KYAT3: variants seen among roughly 807,000 people sequenced by gnomAD.
KYAT3 encodes the protein kynurenine aminotransferase 3.
KYAT3 carries 50 observed loss-of-function variants against 59.0 expected under a neutral mutation model. The ratio of observed to expected loss-of-function variants is 0.85; its 90% CI spans 0.68 to 1.07. KYAT3 has a LOEUF of 1.07. Among genes scored for constraint, KYAT3 ranks in the 50% least tolerant of loss-of-function variants. The pLI is 0.00. For synonymous variants in KYAT3, 148 were observed against 177.0 expected (o/e 0.84, Z 1.30); for missense variants, 497 against 533.3 (o/e 0.93, Z 0.67).
At chr1:88,956,531 C>G (rs1043587132) in intron 8 of KYAT3, among the ~76,000 whole-genome samples, 46 of 152,242 alleles carry the variant, frequency 3.0e-4, no homozygotes, top group African/African-American at 1.1e-3. Context: ...AATTTAATGT[C>G]TAGTAGGGAC....
At chr1:88,943,211 G>T in intron 12 of KYAT3, 120 bp from the exon 13 acceptor site, 1 of 1,060,908 alleles carries the variant, frequency 9.4e-7, no homozygotes. Context: ...TTTCCAAAAA[G>T]AAAAATGCTT....
intron 8 of KYAT3, among the ~76,000 whole-genome samples, chr1:88,957,958 A>G (rs1675983364): frequency 6.6e-6 from 1 of 152,184 alleles, no homozygotes; most frequent in Non-Finnish European, 1.5e-5. Context: ...TTAAGGTGTC[A>G]CACCCTGCAA....
At chr1:88,944,403 G>A (rs948550042) in intron 11 of KYAT3, among the ~76,000 whole-genome samples, 1 of 152,086 alleles carries the variant, frequency 6.6e-6, no homozygotes, top group Non-Finnish European at 1.5e-5. Flanking sequence ...CCTTTTACCT[G>A]ATATTTTAAT....
chr1:88,937,224 C>T (rs1675074523), intron 13 of KYAT3, among the ~76,000 whole-genome samples: 1 of 152,082 alleles, frequency 6.6e-6, no homozygotes, highest in South Asian at 2.1e-4. Flanking sequence ...TAGATGGGGG[C>T]ACCTCTCCAG....
At chr1:88,969,677 G>T (rs1570811866) in intron 2 of KYAT3, among the ~76,000 whole-genome samples, 2 of 151,160 alleles carry the variant, frequency 1.3e-5, no homozygotes, top group South Asian at 4.2e-4. Flanking sequence ...TCTCAGACGT[G>T]GTTGCCCAGG....
At chr1:88,992,827 G>A (rs1450335263), upstream of KYAT3, 3 of 151,190 alleles carry the variant, frequency 2.0e-5, no homozygotes, top group Admixed American at 6.7e-5. Context: ...GCGGGAACAA[G>A]GGGGCGGGGC....
chr1:88,950,040 G>A (rs1382091850), intron 10 of KYAT3, among the ~76,000 whole-genome samples: 1 of 152,150 alleles, frequency 6.6e-6, no homozygotes, highest in African/African-American at 2.4e-5. Context: ...CCTTACAAAG[G>A]AGGGTTAGCT....
chr1:88,921,305 C>G, the KYAT3 span, among the ~76,000 whole-genome samples: 116 of 152,292 alleles, frequency 7.6e-4, no homozygotes, highest in African/African-American at 2.6e-3. Flanking sequence ...AAGACTTTGC[C>G]TTTTTCCATA....
chr1:88,936,149 C>A lies in KYAT3; in HGVS notation c.*34G>T. ...ACTAAGTAACAATTCCATACTAGGT[C>A]ATCTAACAGAAACATTAATCCATTC... On this transcript the variant is annotated 3_prime_UTR_variant, in exon 14 of 14. Transcript: ENST00000260508. 6.8e-7 allele frequency: 1 copy of A among 1,464,514 alleles called. No individual in the cohort carries two copies. Among genetic ancestry groups the A allele is most frequent in the Non-Finnish European group, 9.5e-7 (1 of 1,052,494 alleles). 90.7% of individuals were successfully genotyped at this position (1,464,514 alleles called of 1,614,324 possible).
intron 6 of KYAT3, 28 bp from the exon 7 acceptor site, chr1:88,961,534 T>G: frequency 6.3e-7 from 1 of 1,582,814 alleles, no homozygotes; most frequent in Non-Finnish European, 8.6e-7. Flanking sequence ...AGATATAATT[T>G]AATTCAATTA....
chr1:88,986,313 T>TA (rs1362947645), intron 2 of KYAT3, among the ~76,000 whole-genome samples: 67 of 141,856 alleles, frequency 4.7e-4, no homozygotes, highest in Middle Eastern at 3.8e-3. Flanking sequence ...TAGACTCTCT[T>TA]AAAAAAAAAA....
At chr1:88,965,410 T>A (rs987244269) in intron 4 of KYAT3, among the ~76,000 whole-genome samples, 1 of 152,156 alleles carries the variant, frequency 6.6e-6, no homozygotes, top group African/African-American at 2.4e-5. Context: ...TGCCAACCAA[T>A]GGACTAGGGA....
At chr1:88,955,448 A>C (rs1675873907) in intron 8 of KYAT3, among the ~76,000 whole-genome samples, 1 of 152,174 alleles carries the variant, frequency 6.6e-6, no homozygotes, top group Admixed American at 6.5e-5. Context: ...GTATATAAAT[A>C]GATTTAATAA....
chr1:88,926,875 A>C, the KYAT3 span, among the ~76,000 whole-genome samples: 1 of 152,196 alleles, frequency 6.6e-6, no homozygotes. Context: ...TATGGGAATG[A>C]ATCTTGATGG....
At chr1:88,942,912 G>A (rs1675294060) in intron 13 of KYAT3, 93 bp downstream of exon 13, 9 of 977,068 alleles carry the variant, frequency 9.2e-6, no homozygotes, top group Non-Finnish European at 1.4e-5. Context: ...AACTGCATAT[G>A]AGCATATCAT....
rs951536466 is a variant in KYAT3, at chr1:88,982,393, G to A, written c.99+5859C>T. On this transcript the variant is annotated intron_variant, in intron 2 of 13. Transcript: ENST00000260508. ...CTTTAGGGACACCTTTACTTGGAAAGTTACAACACTAGTACTACAAGGCTT... is the reference window on the plus strand; with the variant it reads ...CTTTAGGGACACCTTTACTTGGAAAATTACAACACTAGTACTACAAGGCTT... The A allele has an allele frequency of 3.7e-6, 3 of 821,890 alleles. No homozygotes were observed. The African/African-American group carries it at 5.2e-5, about 14-fold the overall frequency. 50.9% of individuals were successfully genotyped at this position (821,890 alleles called of 1,614,324 possible).
chr1:88,929,557 G>GC, the KYAT3 span, among the ~76,000 whole-genome samples: 2 of 152,166 alleles, frequency 1.3e-5, no homozygotes, highest in African/African-American at 2.4e-5. Context: ...CAAGACTTGA[G>GC]CCAGTTCTCA....
At chr1:88,981,977 A>C (rs1179254907) in intron 2 of KYAT3, 1 of 984,346 alleles carries the variant, frequency 1.0e-6, no homozygotes, top group South Asian at 4.7e-5. Flanking sequence ...GTTTTGGCCA[A>C]ACTTTTTATT....
At chr1:88,935,744 G>A, downstream of KYAT3, 1 of 358,800 alleles carries the variant, frequency 2.8e-6, no homozygotes, top group East Asian at 4.1e-5. Flanking sequence ...AACTGGTTAG[G>A]AGTTTTTACA....
Sources: gnomAD v4.1 joint callset for allele counts (sites outside exome capture counted in the v4.1 genomes callset) on GRCh38, gnomAD v4.1.1 for gene constraint, MANE v1.5 for transcripts, NCBI Gene and HGNC (gene_info 2026-07-23, HGNC 2026-07-21) for gene names.